The following KCNAB1 variants were observed in gnomAD, a reference collection of about 807,000 sequenced individuals.
KCNAB1 encodes the protein voltage-gated potassium channel subunit beta-1.
KCNAB1 carries 35 observed loss-of-function variants against 64.6 expected under a neutral mutation model. The observed-to-expected ratio is 0.54, with a 90% confidence interval of 0.41 to 0.72. KCNAB1 has a LOEUF of 0.72. Ranked by LOEUF, KCNAB1 falls within the 30% of genes least tolerant of loss-of-function variation. The pLI is 0.00. For missense variants in KCNAB1, 401 were observed against 512.9 expected, an observed-to-expected ratio of 0.78 and a Z score of 2.11; for synonymous variants, 177 against 183.8, an observed-to-expected ratio of 0.96 and a Z score of 0.30.
chr3:156,162,074 T>C (rs1239825941), intron 1 of KCNAB1, among the ~76,000 whole-genome samples: 4 of 152,224 alleles, frequency 2.6e-5, no homozygotes, highest in East Asian at 3.8e-4. Context: ...CACAAGACTT[T>C]AGAATAAACA....
At chr3:156,306,057 C>A (rs1374878381) in intron 1 of KCNAB1, among the ~76,000 whole-genome samples, 1 of 152,072 alleles carries the variant, frequency 6.6e-6, no homozygotes, top group Non-Finnish European at 1.5e-5. Flanking sequence ...GTGAACAGAT[C>A]AAGTAACAAA....
At chr3:156,262,479 C>G (rs969801063) in intron 1 of KCNAB1, among the ~76,000 whole-genome samples, 1 of 151,882 alleles carries the variant, frequency 6.6e-6, no homozygotes, top group Non-Finnish European at 1.5e-5. Context: ...TTCTATTAAT[C>G]TGGCACCTTA....
intron 11 of KCNAB1, 91 bp from the exon 12 acceptor site, chr3:156,523,736 A>C (rs1718107949): frequency 8.0e-7 from 1 of 1,254,112 alleles, no homozygotes; most frequent in Non-Finnish European, 1.1e-6. Context: ...TCAGAAAATC[A>C]TTATGAGGTT....
chr3:156,180,726 G>A (rs867696274), intron 1 of KCNAB1, among the ~76,000 whole-genome samples: 5 of 152,162 alleles, frequency 3.3e-5, no homozygotes, highest in African/African-American at 1.2e-4. Flanking sequence ...CCTGAAGAAC[G>A]AGGCGGGATT....
chr3:156,507,054 C>T (rs753339010), intron 8 of KCNAB1, among the ~76,000 whole-genome samples: 9 of 152,172 alleles, frequency 5.9e-5, no homozygotes, highest in Non-Finnish European at 1.2e-4. Flanking sequence ...AGTTTTCTCT[C>T]CCCAAACCAT....
At chr3:156,151,609 T>TC (rs1257578979) in intron 1 of KCNAB1, among the ~76,000 whole-genome samples, 1 of 152,226 alleles carries the variant, frequency 6.6e-6, no homozygotes, top group Non-Finnish European at 1.5e-5. Flanking sequence ...GTTCATGCTC[T>TC]CACATGCTCA....
chr3:156,155,547 G>A (rs1167398286), intron 1 of KCNAB1, among the ~76,000 whole-genome samples: 2 of 152,136 alleles, frequency 1.3e-5, no homozygotes, highest in African/African-American at 2.4e-5. Flanking sequence ...ACCTGAAGGA[G>A]GTAGAAATGA....
rs11363895 is a variant in KCNAB1 at position 156,452,579 on chromosome 3, CT to C, written c.320-318del. ...TAGCTCAGTGGGAGCAAGAATGGAT[CT>C]TGTACACTAGCATCCATGGTCCAAT... On this transcript the variant is annotated intron_variant, in intron 2 of 13. Transcript: ENST00000490337. This position sits in a 1 kb window ranked among gnomAD's most constrained non-coding sequence, Gnocchi z 4.6. Among the ~76,000 whole-genome samples, 10,656 of 152,284 alleles carry C rather than the reference CT, an allele frequency of 0.07. 916 individuals are homozygous for C. The highest frequency in any genetic ancestry group is 0.21 in the African/African-American group (8,597 of 41,528).
chr3:156,462,762 C>T (rs1021055741), intron 5 of KCNAB1, among the ~76,000 whole-genome samples: 1 of 152,184 alleles, frequency 6.6e-6, no homozygotes, highest in Non-Finnish European at 1.5e-5. Flanking sequence ...GAAGATTGGC[C>T]TTAACCTTTG....
chr3:156,530,557 G>A (rs1482960613), intron 12 of KCNAB1, among the ~76,000 whole-genome samples: 1 of 152,206 alleles, frequency 6.6e-6, no homozygotes, highest in Non-Finnish European at 1.5e-5. Flanking sequence ...TGAACGCATA[G>A]GGGCACCAGA....
At chr3:156,235,293 C>T (rs148441647) in intron 1 of KCNAB1, among the ~76,000 whole-genome samples, 2 of 152,364 alleles carry the variant, frequency 1.3e-5, no homozygotes, top group Non-Finnish European at 2.9e-5. Context: ...TCATATCTGG[C>T]ATCACAACCA....
intron 1 of KCNAB1, among the ~76,000 whole-genome samples, chr3:156,147,834 C>A (rs868568261): frequency 6.6e-6 from 1 of 151,984 alleles, no homozygotes; most frequent in Middle Eastern, 3.2e-3. Context: ...TAGCTAGCAA[C>A]AAAACTAGGA....
intron 1 of KCNAB1, among the ~76,000 whole-genome samples, chr3:156,159,069 C>T (rs187889371): frequency 1.1e-4 from 16 of 151,176 alleles, no homozygotes; most frequent in Admixed American, 4.6e-4. Flanking sequence ...CTACATATGT[C>T]CGCCCCCCCC....
intron 1 of KCNAB1, among the ~76,000 whole-genome samples, chr3:156,210,192 C>T (rs1223975549): frequency 2.6e-5 from 4 of 152,122 alleles, no homozygotes; most frequent in Non-Finnish European, 5.9e-5. Context: ...GCTCGCTGAC[C>T]AGGAATGCCT....
intron 1 of KCNAB1, among the ~76,000 whole-genome samples, chr3:156,259,980 C>T (rs1198424129): frequency 1.3e-5 from 2 of 152,190 alleles, no homozygotes; most frequent in Non-Finnish European, 2.9e-5. Context: ...TGGACTCTCC[C>T]TCACCCTTGT....
intron 1 of KCNAB1, among the ~76,000 whole-genome samples, chr3:156,358,370 A>G (rs1227492835): frequency 6.6e-6 from 1 of 152,156 alleles, no homozygotes; most frequent in African/African-American, 2.4e-5. Flanking sequence ...GAAGGGAAGG[A>G]GAAGGGGAAG....
intron 1 of KCNAB1, among the ~76,000 whole-genome samples, chr3:156,342,609 A>AAT (rs1491521332): frequency 5.7e-5 from 6 of 104,694 alleles, no homozygotes; most frequent in South Asian, 3.1e-4. Flanking sequence ...TTTTTTTTTA[A>AAT]TTTTTTTTTT....
intron 1 of KCNAB1, among the ~76,000 whole-genome samples, chr3:156,288,672 C>T (rs1317277184): frequency 2.0e-5 from 3 of 152,178 alleles, no homozygotes; most frequent in African/African-American, 7.2e-5. Context: ...TGAAAAGGTG[C>T]ACTGTGGGCA....
chr3:156,146,779 A>G (rs1715062959), intron 1 of KCNAB1, among the ~76,000 whole-genome samples: 2 of 152,196 alleles, frequency 1.3e-5, no homozygotes, highest in Non-Finnish European at 2.9e-5. Flanking sequence ...TTTGCATATC[A>G]CAAATCTTAT....
Sources: gnomAD v4.1 joint callset for allele counts (sites outside exome capture counted in the v4.1 genomes callset) on GRCh38, gnomAD v4.1.1 for gene constraint, Gnocchi (gnomAD v3.1) non-coding constraint, MANE v1.5 for transcripts, NCBI Gene and HGNC (gene_info 2026-07-23, HGNC 2026-07-21) for gene names.